Variants in CSMD3 observed in about 807,000 individuals in gnomAD.
CSMD3 encodes CUB and sushi domain-containing protein 3.
Under a neutral mutation model 435.2 loss-of-function variants are expected in CSMD3, and 177 were observed. That is an observed-to-expected ratio of 0.41 (90% CI 0.36 to 0.46). The LOEUF (loss-of-function observed/expected upper bound fraction) is 0.46, where lower values mean the gene tolerates loss of function less well. Ranked by LOEUF, CSMD3 falls within the 20% of genes least tolerant of loss-of-function variation. The pLI is 0.34. For missense variants in CSMD3, 4,265 were observed against 4,504.6 expected (o/e 0.95, Z 1.52); for synonymous variants, 1,656 against 1,520.5 (o/e 1.09, Z -2.07).
At chr8:113,111,219 T>C (rs1165761401) in intron 4 of CSMD3, among the ~76,000 whole-genome samples, 1 of 152,180 alleles carries the variant, frequency 6.6e-6, no homozygotes, top group Non-Finnish European at 1.5e-5. Flanking sequence ...TAAATATTGT[T>C]TTAATCAACA....
At chr8:112,375,065 G>A (rs972388950) in intron 38 of CSMD3, among the ~76,000 whole-genome samples, 1 of 152,122 alleles carries the variant, frequency 6.6e-6, no homozygotes, top group Non-Finnish European at 1.5e-5. Flanking sequence ...ACACACCAAT[G>A]TATCATTTGT....
At chr8:112,411,635 G>T (rs975118558) in intron 32 of CSMD3, among the ~76,000 whole-genome samples, 1 of 151,980 alleles carries the variant, frequency 6.6e-6, no homozygotes, top group Non-Finnish European at 1.5e-5. Flanking sequence ...TATCATATTA[G>T]CTATTGTCTC....
chr8:112,799,026 A>G (rs996809830), intron 13 of CSMD3, among the ~76,000 whole-genome samples: 33 of 151,874 alleles, frequency 2.2e-4, no homozygotes, highest in Non-Finnish European at 2.7e-4. Flanking sequence ...ACAGATAAAT[A>G]CATGTAACAT....
chr8:112,597,106 T>G (rs1831804522), intron 22 of CSMD3, among the ~76,000 whole-genome samples: 1 of 151,654 alleles, frequency 6.6e-6, no homozygotes, highest in African/African-American at 2.4e-5. Context: ...TCAACAAAAT[T>G]GATAGACCGC....
Position 112,960,078 on chromosome 8 carries a change from G to A in CSMD3, c.1343-5317C>T, listed in dbSNP as rs572447544. 6.2e-4 allele frequency among the ~76,000 whole-genome samples: 94 copies of A among 151,866 alleles called. 1 individual carries two copies. Among genetic ancestry groups the A allele is most frequent in the African/African-American group, 2.2e-3 (92 of 41,510 alleles). On this transcript the variant is annotated intron_variant, in intron 7 of 70. Coordinates refer to ENST00000297405, the MANE Select transcript of CSMD3 (RefSeq NM_198123.2). ...AGTTCTATTCCAGAGATTTAAATGTGTAGGGGAGTTATAAAATTATTTAAC... is the reference window on the plus strand; with the variant it reads ...AGTTCTATTCCAGAGATTTAAATGTATAGGGGAGTTATAAAATTATTTAAC...
intron 10 of CSMD3, among the ~76,000 whole-genome samples, chr8:112,873,783 T>C (rs1336048328): frequency 6.6e-6 from 1 of 152,084 alleles, no homozygotes; most frequent in African/African-American, 2.4e-5. Context: ...TTTTATTCTG[T>C]CTATTTGATT....
At chr8:112,408,444 T>G (rs1363598556) in intron 33 of CSMD3, 31 bp from the exon 34 acceptor site, 1 of 1,306,766 alleles carries the variant, frequency 7.7e-7, no homozygotes, top group Non-Finnish European at 1.1e-6. Context: ...TAAGATATCA[T>G]AAATAATTTT....
chr8:112,722,265 G>C (rs2076874565), intron 13 of CSMD3, among the ~76,000 whole-genome samples: 1 of 151,640 alleles, frequency 6.6e-6, no homozygotes, highest in Non-Finnish European at 1.5e-5. Context: ...CAAATGCAAT[G>C]AGTGCAAATT....
At chr8:112,909,723 G>C (rs1260097684) in intron 10 of CSMD3, among the ~76,000 whole-genome samples, 1 of 151,816 alleles carries the variant, frequency 6.6e-6, no homozygotes, top group African/African-American at 2.4e-5. Context: ...AGTTCATTTA[G>C]TTCTGACCTC....
At chr8:112,612,944 G>A (rs1833382647) in intron 22 of CSMD3, among the ~76,000 whole-genome samples, 1 of 151,380 alleles carries the variant, frequency 6.6e-6, no homozygotes, top group Non-Finnish European at 1.5e-5. Flanking sequence ...CGGGGAGGGG[G>A]ATGGTTGAAG....
At chr8:112,984,849 T>C (rs2085191184) in intron 6 of CSMD3, among the ~76,000 whole-genome samples, 1 of 152,000 alleles carries the variant, frequency 6.6e-6, no homozygotes, top group Admixed American at 6.6e-5. Context: ...AGAATGGAGA[T>C]TTTTCCTCTT....
intron 9 of CSMD3, among the ~76,000 whole-genome samples, chr8:112,925,092 T>C (rs1431849999): frequency 6.6e-6 from 1 of 152,116 alleles, no homozygotes; most frequent in African/African-American, 2.4e-5. Context: ...ATTTATAAAG[T>C]TTATATTCTC....
intron 4 of CSMD3, among the ~76,000 whole-genome samples, chr8:113,112,111 T>C (rs1020930048): frequency 2.6e-5 from 4 of 152,092 alleles, no homozygotes; most frequent in African/African-American, 4.8e-5. Context: ...AATGAAATGA[T>C]ACAGTATATA....
intron 5 of CSMD3, among the ~76,000 whole-genome samples, chr8:113,074,527 T>C (rs1426559838): frequency 6.6e-6 from 1 of 151,842 alleles, no homozygotes; most frequent in Non-Finnish European, 1.5e-5. Context: ...AGAATGTAAA[T>C]TTTTTGCATA....
At chr8:112,365,974 G>T (rs1168397392) in intron 38 of CSMD3, among the ~76,000 whole-genome samples, 1 of 152,142 alleles carries the variant, frequency 6.6e-6, no homozygotes, top group Non-Finnish European at 1.5e-5. Context: ...CGAGAACAAA[G>T]CTTTCAATTT....
At chr8:112,289,236 T>C in intron 57 of CSMD3, 129 bp downstream of exon 57, 2 of 834,326 alleles carry the variant, frequency 2.4e-6, no homozygotes, top group East Asian at 4.9e-5. Context: ...GTGTTTCAGC[T>C]TTTCTTATGA....
intron 49 of CSMD3, among the ~76,000 whole-genome samples, chr8:112,312,328 C>G (rs1229500836): frequency 6.6e-6 from 1 of 152,106 alleles, no homozygotes; most frequent in Non-Finnish European, 1.5e-5. Context: ...TACCTTGGCT[C>G]ATTGCAACGC....
chr8:113,019,522 T>C (rs982298733), intron 5 of CSMD3, among the ~76,000 whole-genome samples: 11 of 149,076 alleles, frequency 7.4e-5, no homozygotes, highest in South Asian at 2.1e-4. Flanking sequence ...ATTAATATGT[T>C]ATATATTGTT....
intron 59 of CSMD3, among the ~76,000 whole-genome samples, chr8:112,278,149 G>T (rs1818265911): frequency 6.6e-6 from 1 of 152,120 alleles, no homozygotes; most frequent in South Asian, 2.1e-4. Flanking sequence ...TCTTTCTTAG[G>T]CAACCACAGA....
Sources: allele counts gnomAD v4.1 joint callset (sites outside exome capture counted in the v4.1 genomes callset), GRCh38; gene constraint gnomAD v4.1.1; transcripts MANE v1.5; gene names NCBI Gene and HGNC (gene_info 2026-07-23, HGNC 2026-07-21).